The following SPIDR variants were observed in gnomAD, a reference collection of about 807,000 sequenced individuals.
The protein encoded by SPIDR is scaffold protein involved in DNA repair.
In SPIDR, 93 loss-of-function variants were observed where a neutral mutation model predicts 104.6. The ratio of observed to expected loss-of-function variants is 0.89; its 90% confidence interval spans 0.75 to 1.06. The LOEUF (loss-of-function observed/expected upper bound fraction) is 1.06, where lower values mean the gene tolerates loss of function less well. SPIDR is among the 50% of genes least tolerant of loss of function. The probability of loss-of-function intolerance (pLI) is 0.00; values close to 1 mark genes in which losing one functional copy is unlikely to be tolerated. For missense variants in SPIDR, 1,154 were observed against 1,111.2 expected (o/e 1.04, Z -0.55); for synonymous variants, 431 against 416.9 (o/e 1.03, Z -0.41).
chr8:47,304,889 T>C (rs948205227), intron 5 of SPIDR, among the ~76,000 whole-genome samples: 7 of 152,234 alleles, frequency 4.6e-5, no homozygotes, highest in Non-Finnish European at 1.0e-4. Context: ...TTAATATCAT[T>C]ATCACAGTAG....
intron 1 of SPIDR, among the ~76,000 whole-genome samples, chr8:47,268,998 C>T (rs1318099697): frequency 6.6e-6 from 1 of 151,750 alleles, no homozygotes; most frequent in Non-Finnish European, 1.5e-5. Flanking sequence ...AAAACTGAGT[C>T]TCTACAAAAA....
At chr8:47,633,504 G>C (rs971463255) in intron 10 of SPIDR, among the ~76,000 whole-genome samples, 1 of 150,766 alleles carries the variant, frequency 6.6e-6, no homozygotes, top group East Asian at 1.9e-4. Flanking sequence ...GTGTATAAGA[G>C]GATATGGAAA....
intron 7 of SPIDR, among the ~76,000 whole-genome samples, chr8:47,434,965 C>CT (rs1235681438): frequency 6.6e-6 from 1 of 151,960 alleles, no homozygotes; most frequent in South Asian, 2.1e-4. Flanking sequence ...TTTTGTGTTT[C>CT]TTTTTTTCAT....
At chr8:47,554,228 T>C (rs1274648142) in intron 8 of SPIDR, among the ~76,000 whole-genome samples, 1 of 152,190 alleles carries the variant, frequency 6.6e-6, no homozygotes, top group Non-Finnish European at 1.5e-5. Context: ...AGTCTGTCCG[T>C]TCTCAGATCT....
intron 8 of SPIDR, among the ~76,000 whole-genome samples, chr8:47,585,883 A>C (rs527379057): frequency 1.3e-5 from 2 of 152,246 alleles, no homozygotes; most frequent in African/African-American, 4.8e-5. Context: ...TGACCCAGTC[A>C]TCTCTTTAAG....
chr8:47,511,652 ACT>A, intron 8 of SPIDR: 1 of 807,584 alleles, frequency 1.2e-6, no homozygotes. Context: ...ACATAAGCAG[ACT>A]CTTCCTCTGG....
intron 5 of SPIDR, among the ~76,000 whole-genome samples, chr8:47,387,713 T>C (rs1213536173): frequency 6.6e-6 from 1 of 152,190 alleles, no homozygotes; most frequent in African/African-American, 2.4e-5. Context: ...AGCTCTGAAA[T>C]GGAGAGAAGT....
intron 5 of SPIDR, among the ~76,000 whole-genome samples, chr8:47,352,712 G>C (rs16925237): frequency 0.031 from 4,694 of 152,118 alleles, 204 homozygotes; most frequent in African/African-American, 0.1. Context: ...TCTGGGAGAC[G>C]CAAAATTTAA....
intron 5 of SPIDR, among the ~76,000 whole-genome samples, chr8:47,298,914 T>A (rs1430771038): frequency 6.6e-6 from 1 of 152,220 alleles, no homozygotes; most frequent in East Asian, 1.9e-4. Context: ...TTCTTATGGC[T>A]TAGGATTGAC....
chr8:47,670,132 G>T (rs1786131827), intron 10 of SPIDR, among the ~76,000 whole-genome samples: 2 of 152,144 alleles, frequency 1.3e-5, no homozygotes, highest in African/African-American at 4.8e-5. Context: ...TAACAGAAGA[G>T]CCTGGAGACT....
intron 3 of SPIDR, among the ~76,000 whole-genome samples, chr8:47,287,083 A>G (rs2038982967): frequency 6.6e-6 from 1 of 152,154 alleles, no homozygotes; most frequent in African/African-American, 2.4e-5. Flanking sequence ...TAACAGTAGG[A>G]CCGTGATGCC....
At chr8:47,402,967 A>C (rs2062120932) in intron 6 of SPIDR, among the ~76,000 whole-genome samples, 1 of 152,204 alleles carries the variant, frequency 6.6e-6, no homozygotes, top group Non-Finnish European at 1.5e-5. Context: ...AAATACTGGC[A>C]AACTGAATGC....
chr8:47,540,782 G>A (rs969185840), intron 8 of SPIDR, among the ~76,000 whole-genome samples: 3 of 152,058 alleles, frequency 2.0e-5, no homozygotes, highest in Admixed American at 6.6e-5. Flanking sequence ...GGACATAGTA[G>A]GTATTCATGA....
intron 7 of SPIDR, among the ~76,000 whole-genome samples, chr8:47,418,101 A>C (rs1337968736): frequency 1.3e-5 from 2 of 152,198 alleles, no homozygotes; most frequent in Non-Finnish European, 2.9e-5. Flanking sequence ...TGACCTGGCA[A>C]TGCGGGCTCT....
intron 5 of SPIDR, among the ~76,000 whole-genome samples, chr8:47,351,631 T>C (rs1483209588): frequency 6.6e-6 from 1 of 152,140 alleles, no homozygotes; most frequent in African/African-American, 2.4e-5. Flanking sequence ...ATGGGATATG[T>C]GGATTCAATC....
chr8:47,558,630 A>AT (rs1197300062), intron 8 of SPIDR, among the ~76,000 whole-genome samples: 1 of 6,450 alleles, frequency 1.6e-4, no homozygotes, highest in Non-Finnish European at 3.0e-4. Context: ...ATCTAGCTTC[A>AT]CCTTTTTTTT....
intron 10 of SPIDR, among the ~76,000 whole-genome samples, chr8:47,667,230 G>A (rs537371240): frequency 6.6e-6 from 1 of 152,094 alleles, no homozygotes; most frequent in Admixed American, 6.5e-5. Context: ...GCAGTGACCC[G>A]AGATCATGCC....
At chr8:47,446,162 A>G (rs1160347434) in intron 8 of SPIDR, among the ~76,000 whole-genome samples, 1 of 152,240 alleles carries the variant, frequency 6.6e-6, no homozygotes, top group Admixed American at 6.5e-5. Flanking sequence ...GCCTGGCTTC[A>G]AAGCTTCCAA....
At chr8:47,348,011 G>A (rs2154279405) in intron 5 of SPIDR, among the ~76,000 whole-genome samples, 1 of 152,166 alleles carries the variant, frequency 6.6e-6, no homozygotes, top group East Asian at 1.9e-4. Flanking sequence ...TGGTTATTTT[G>A]CTCGTTATTT....
Sources: gnomAD v4.1 joint callset for allele counts (sites outside exome capture counted in the v4.1 genomes callset) on GRCh38, gnomAD v4.1.1 for gene constraint, MANE v1.5 for transcripts, NCBI Gene and HGNC (gene_info 2026-07-23, HGNC 2026-07-21) for gene names.